DSE: variants seen among roughly 807,000 people sequenced by gnomAD.
DSE encodes the protein dermatan-sulfate epimerase.
Under a neutral mutation model 84.4 loss-of-function variants are expected in DSE, and 36 were observed. The observed-to-expected ratio is 0.43, with a 90% CI of 0.33 to 0.56. The LOEUF (loss-of-function observed/expected upper bound fraction) is 0.56, where lower values mean the gene tolerates loss of function less well. DSE is among the 20% of genes least tolerant of loss of function. DSE has a pLI of 0.06. For missense variants in DSE, 862 were observed against 1,169.6 expected (o/e 0.74, Z 3.84); for synonymous variants, 410 against 430.1 (o/e 0.95, Z 0.58).
At position 116,440,029 on chromosome 6, in the gene DSE, A is replaced by G. The variant is rs185658043; in HGVS notation, c.*2684A>G. On this transcript the variant is annotated 3_prime_UTR_variant, in exon 6 of 6. Coordinates refer to ENST00000644252, the MANE Select transcript of DSE (RefSeq NM_013352.4). ...TGGTAGATGAGACCTATGGTGGTGG[A>G]TGAGACCCAGAATTTTCAGAGAGAA... is the stretch of plus-strand genomic sequence containing the variant. 6.6e-5 allele frequency: 10 copies of G among 151,496 alleles called. No individual in the cohort carries two copies. The highest frequency in any genetic ancestry group is 2.4e-4 in the African/African-American group (10 of 41,220). The allele number at this position is 151,496 out of a possible 1,614,324, so 9.4% of individuals were successfully genotyped here.
intron 1 of DSE, among the ~76,000 whole-genome samples, chr6:116,373,143 A>C (rs1318979463): frequency 1.3e-5 from 2 of 152,018 alleles, no homozygotes; most frequent in East Asian, 3.8e-4. Context: ...TCACCAGGTC[A>C]AGAGTTCGAG....
intron 2 of DSE, among the ~76,000 whole-genome samples, chr6:116,414,434 T>C (rs148275101): frequency 0.011 from 1,721 of 151,754 alleles, 45 homozygotes; most frequent in African/African-American, 0.038. Context: ...TTTTTTTAGG[T>C]GGAGTTTCGC....
At chr6:116,407,796 C>T (rs1782031749) in intron 2 of DSE, among the ~76,000 whole-genome samples, 1 of 152,194 alleles carries the variant, frequency 6.6e-6, no homozygotes, top group Non-Finnish European at 1.5e-5. Context: ...TTTCACCCAT[C>T]CAGAGCTTAG....
chr6:116,295,547 GAAAAT>G (rs1774610668), intron 2 of DSE, among the ~76,000 whole-genome samples: 1 of 152,024 alleles, frequency 6.6e-6, no homozygotes, highest in South Asian at 2.1e-4. Flanking sequence ...CCACAATACA[GAAAAT>G]AAAATAAAAC....
intron 2 of DSE, among the ~76,000 whole-genome samples, chr6:116,260,917 G>A (rs961100144): frequency 6.6e-6 from 1 of 152,136 alleles, no homozygotes; most frequent in African/African-American, 2.4e-5. Context: ...TGGGTAGTGT[G>A]ATGCCTCAAG....
intron 2 of DSE, chr6:116,279,193 T>G (rs764860145): frequency 4.3e-6 from 7 of 1,611,138 alleles, no homozygotes; most frequent in East Asian, 2.2e-5. Flanking sequence ...CTCCCTCGCC[T>G]CCTCCTCCAA....
chr6:116,286,090 G>A lies in DSE; in HGVS notation c.-54+27123G>A, dbSNP rs190532886. 1.5e-3 allele frequency among the ~76,000 whole-genome samples: 236 copies of A among 152,270 alleles called. 1 individual carries two copies. Among genetic ancestry groups the A allele is most frequent in the African/African-American group, 5.4e-3 (223 of 41,552 alleles). Reference sequence around the variant, plus strand: ...TTGGTAGCTTGATGGGGATAGCATTGAATCTATAAATTACCTTGGGCAGTA... The same window carrying A: ...TTGGTAGCTTGATGGGGATAGCATTAAATCTATAAATTACCTTGGGCAGTA... On this transcript the variant is annotated intron_variant, in intron 2 of 3. Coordinates refer to the DSE transcript ENST00000430252.
Position 116,436,874 on chromosome 6 carries a change from G to T in DSE, c.2406G>T (p.Gln802His), listed in dbSNP as rs775488755. ...TTGCCATATCACAGCAACAGCAGCA[G>T]CAAAGCAAGTCAAAGAAAAACCGAA... The part of the protein sequence containing the change: ...RIFAISQQQQ[Q>H]QSKSKKNRRA... The change falls in exon 6 of 6, where the codon CAG (glutamine) becomes CAT (histidine). Residue 802 changes from glutamine (Q) to histidine (H), a missense_variant. Transcript: ENST00000644252. 1 of 1,614,084 alleles carries T rather than the reference G, an allele frequency of 6.2e-7. No homozygotes were observed. Among genetic ancestry groups the T allele is most frequent in the South Asian group, 1.1e-5 (1 of 91,076 alleles).
chr6:116,425,631 T>A (rs1039917317), intron 2 of DSE, among the ~76,000 whole-genome samples: 12 of 147,758 alleles, frequency 8.1e-5, no homozygotes, highest in Admixed American at 1.3e-4. Context: ...TTTATTTTAT[T>A]TTTTTTTTTG....
chr6:116,308,962 C>T (rs1184097447), intron 2 of DSE, among the ~76,000 whole-genome samples: 1 of 152,114 alleles, frequency 6.6e-6, no homozygotes, highest in Non-Finnish European at 1.5e-5. Context: ...ATAATAGATA[C>T]TCATAATAGA....
intron 2 of DSE, among the ~76,000 whole-genome samples, chr6:116,291,205 A>G (rs1414328070): frequency 2.0e-5 from 3 of 152,158 alleles, no homozygotes; most frequent in East Asian, 1.9e-4. Flanking sequence ...ACAAACAATT[A>G]TAATACCAGA....
chr6:116,306,487 A>G (rs1456016044), intron 2 of DSE, among the ~76,000 whole-genome samples: 1 of 152,004 alleles, frequency 6.6e-6, no homozygotes, highest in Non-Finnish European at 1.5e-5. Context: ...CTTACTCTAT[A>G]TATGCTGAAA....
In DSE at chr6:116,431,203, G is replaced by A. The variant is rs773568843; in HGVS notation, c.910+10G>A. 2 of 1,613,052 alleles carry A rather than the reference G, an allele frequency of 1.2e-6. No individual in the cohort carries two copies. The highest frequency in any genetic ancestry group is 1.7e-6 in the Non-Finnish European group (2 of 1,179,380). ...AGAACCATCCTGCCAGGTATAGTGA[G>A]GAGTCAGAAGTGTGAAAACATTAAA... On this transcript the variant is annotated intron_variant, in intron 4 of 5. Coordinates refer to ENST00000644252, the MANE Select transcript of DSE (RefSeq NM_013352.4).
Position 116,436,187 on chromosome 6 carries a change from C to A in DSE, c.1719C>A (p.His573Gln). ...TGCTTCTCCTTGTAGACCAAATACA[C>A]CTGGGAGAGGAGAGTCCCTTGGAGA... is the stretch of plus-strand genomic sequence containing the variant. ...PQLLLLVDQI[H>Q]LGEESPLETA... The change falls in exon 6 of 6, where the codon CAC becomes CAA. Residue 573 changes from histidine to glutamine, a missense_variant. Physicochemically the swap from His to Gln is conservative, Grantham distance 24. Around this residue, in one of 4 missense-constraint regions of DSE, gnomAD observed 186 missense variants for 255.1 expected, o/e 0.73. Transcript: ENST00000644252. 6.2e-7 allele frequency: 1 copy of A among 1,613,708 alleles called. No homozygotes were observed. Among genetic ancestry groups the A allele is most frequent in the East Asian group, 2.2e-5 (1 of 44,882 alleles).
intron 2 of DSE, among the ~76,000 whole-genome samples, chr6:116,308,317 G>C (rs577862333): frequency 6.6e-6 from 1 of 152,026 alleles, no homozygotes; most frequent in Non-Finnish European, 1.5e-5. Context: ...TTTTAAGCTC[G>C]GCTTCAATCT....
chr6:116,300,617 A>G (rs1437146927), intron 2 of DSE, among the ~76,000 whole-genome samples: 1 of 152,236 alleles, frequency 6.6e-6, no homozygotes, highest in Admixed American at 6.5e-5. Flanking sequence ...TCAGGCAATC[A>G]AGTCTAATGG....
chr6:116,345,264 G>A (rs1044023408), intron 2 of DSE, among the ~76,000 whole-genome samples: 8 of 152,036 alleles, frequency 5.3e-5, no homozygotes, highest in African/African-American at 7.2e-5. Flanking sequence ...TGCACCAAGC[G>A]GACCTAATAG....
At chr6:116,288,729 C>G (rs999344711) in intron 2 of DSE, among the ~76,000 whole-genome samples, 14 of 152,094 alleles carry the variant, frequency 9.2e-5, no homozygotes, top group Non-Finnish European at 1.3e-4. Flanking sequence ...TGACTAGTGG[C>G]TGCTATATTG....
chr6:116,386,450 C>A (rs1235891932), intron 1 of DSE, among the ~76,000 whole-genome samples: 3 of 152,198 alleles, frequency 2.0e-5, no homozygotes, highest in African/African-American at 7.2e-5. Flanking sequence ...TAGCAAAGGG[C>A]AAAGGCACAT....
Sources: allele counts gnomAD v4.1 joint callset (sites outside exome capture counted in the v4.1 genomes callset), GRCh38; gene constraint gnomAD v4.1.1; regional missense constraint gnomAD v4.1.1; transcripts MANE v1.5; gene names NCBI Gene and HGNC (gene_info 2026-07-23, HGNC 2026-07-21).